TMEM217: variants seen among roughly 807,000 people sequenced by gnomAD.
The protein encoded by TMEM217 is transmembrane protein 217.
For missense variants in TMEM217, 204 were observed against 248.8 expected (o/e 0.82, Z 1.21); for synonymous variants, 76 against 88.3 (o/e 0.86, Z 0.78).
chr6:37,235,882 T>TC (rs1764476556), intron 1 of TMEM217, among the ~76,000 whole-genome samples: 1 of 152,150 alleles, frequency 6.6e-6, no homozygotes, highest in Non-Finnish European at 1.5e-5. Flanking sequence ...CTTAATCCCT[T>TC]CCCCAAAGTC....
exon 1 of TMEM217, chr6:37,258,097 C>T: frequency 1.8e-6 from 2 of 1,110,210 alleles, no homozygotes; most frequent in Non-Finnish European, 1.3e-6. Flanking sequence ...GCTGGGACTG[C>T]CTGGTGGCGG....
At chr6:37,215,262 G>A (rs765204028), downstream of TMEM217, 5 of 1,613,748 alleles carry the variant, frequency 3.1e-6, no homozygotes, top group Admixed American at 5.0e-5. Flanking sequence ...AGACAGACAG[G>A]TAAATATGCT....
chr6:37,229,461 G>C (rs1764068610), intron 1 of TMEM217, among the ~76,000 whole-genome samples: 1 of 141,464 alleles, frequency 7.1e-6, no homozygotes, highest in Admixed American at 7.6e-5. Context: ...TCCTTCCTCA[G>C]CCTCCCGAGT....
rs192351892 is a variant in TMEM217, at chr6:37,238,631, C to T, written c.-12+18937G>A. Among the ~76,000 whole-genome samples, 528 of 152,286 alleles carry T rather than the reference C, an allele frequency of 3.5e-3. 1 individual carries two copies. The highest frequency in any genetic ancestry group is 0.014 in the Middle Eastern group (4 of 294). ...TAAGAGAAGATGATGTGGCTGGCAC[C>T]ATTCTCACTTCTTCCTTTTTCTTGC... On this transcript the variant is annotated intron_variant, in intron 1 of 1. Coordinates refer to ENST00000357219, the Ensembl canonical transcript of TMEM217.
intron 1 of TMEM217, among the ~76,000 whole-genome samples, chr6:37,241,408 G>A (rs779801230): frequency 9.2e-5 from 14 of 152,196 alleles, no homozygotes; most frequent in Non-Finnish European, 2.1e-4. Flanking sequence ...CCTCAAAAGC[G>A]ACATCTCAGC....
chr6:37,255,464 T>C (rs1765664364), intron 1 of TMEM217, among the ~76,000 whole-genome samples: 1 of 152,106 alleles, frequency 6.6e-6, no homozygotes. Context: ...GGTGGATTGC[T>C]TGAGTTTCAG....
At chr6:37,224,625 C>A (rs199558339) in intron 1 of TMEM217, among the ~76,000 whole-genome samples, 3 of 136,000 alleles carry the variant, frequency 2.2e-5, no homozygotes, top group East Asian at 2.3e-4. Flanking sequence ...GAAAAAAAAA[C>A]CTTTTATTTT....
intron 1 of TMEM217, among the ~76,000 whole-genome samples, chr6:37,242,526 C>T (rs992817038): frequency 6.6e-6 from 1 of 152,204 alleles, no homozygotes; most frequent in African/African-American, 2.4e-5. Flanking sequence ...AGAGAAAAGC[C>T]TGTCATGCTT....
chr6:37,217,581 C>T (rs557201191), downstream of TMEM217: 4 of 947,566 alleles, frequency 4.2e-6, no homozygotes, highest in African/African-American at 3.5e-5. Flanking sequence ...TAAGGAAGTG[C>T]CTTTCACACT....
downstream of TMEM217, chr6:37,212,787 A>T (rs1378614082): frequency 1.4e-6 from 1 of 720,406 alleles, no homozygotes; most frequent in South Asian, 1.5e-5. Context: ...GGGAGAGGCC[A>T]GTGCTGATAT....
At chr6:37,257,613 G>T (rs2113955267) in exon 1 of TMEM217, 1 of 409,810 alleles carries the variant, frequency 2.4e-6, no homozygotes, top group South Asian at 3.6e-5. Flanking sequence ...CCCGCCTCTC[G>T]GCTCGTCCAA....
chr6:37,251,967 C>T (rs1347971583), intron 1 of TMEM217, among the ~76,000 whole-genome samples: 1 of 152,176 alleles, frequency 6.6e-6, no homozygotes, highest in Non-Finnish European at 1.5e-5. Context: ...AATCTCGGCT[C>T]ACTGCAACCT....
At chr6:37,240,895 C>G (rs1040624592) in intron 1 of TMEM217, among the ~76,000 whole-genome samples, 15 of 152,046 alleles carry the variant, frequency 9.9e-5, no homozygotes, top group Non-Finnish European at 2.1e-4. Flanking sequence ...TTGATTTATT[C>G]TCTTCATTTA....
intron 1 of TMEM217, among the ~76,000 whole-genome samples, chr6:37,227,242 C>T (rs776454412): frequency 6.6e-6 from 1 of 152,160 alleles, no homozygotes; most frequent in Non-Finnish European, 1.5e-5. Flanking sequence ...TTAGAGTAGG[C>T]CTTTGGTCAG....
intron 1 of TMEM217, among the ~76,000 whole-genome samples, chr6:37,252,860 G>A (rs1480046636): frequency 2.0e-5 from 3 of 151,442 alleles, no homozygotes; most frequent in African/African-American, 4.9e-5. Flanking sequence ...GGCTGGTCTC[G>A]AACTCCTGAG....
chr6:37,239,891 T>TCA (rs1764678095), intron 1 of TMEM217, among the ~76,000 whole-genome samples: 2 of 133,730 alleles, frequency 1.5e-5, no homozygotes. Flanking sequence ...CCCAGCTCAT[T>TCA]AAAAAAAAAA....
intron 1 of TMEM217, among the ~76,000 whole-genome samples, chr6:37,230,586 T>A (rs13208487): frequency 6.6e-6 from 1 of 152,078 alleles, no homozygotes; most frequent in African/African-American, 2.4e-5. Flanking sequence ...TGTGAAAACA[T>A]GGCGCAGGGG....
intron 1 of TMEM217, among the ~76,000 whole-genome samples, chr6:37,249,796 G>A (rs562059014): frequency 8.3e-4 from 127 of 152,336 alleles, no homozygotes; most frequent in Non-Finnish European, 1.5e-3. Flanking sequence ...CATCCCATGT[G>A]GTTGGAAGTG....
intron 1 of TMEM217, among the ~76,000 whole-genome samples, chr6:37,228,959 T>C (rs534045090): frequency 6.6e-6 from 1 of 151,660 alleles, no homozygotes; most frequent in South Asian, 2.1e-4. Context: ...ATTGTGCCAC[T>C]GCACTCCAGC....
Sources: gnomAD v4.1 joint callset for allele counts (sites outside exome capture counted in the v4.1 genomes callset) on GRCh38, gnomAD v4.1.1 for gene constraint, MANE v1.5 for transcripts, NCBI Gene and HGNC (gene_info 2026-07-23, HGNC 2026-07-21) for gene names.